The following NEDD4L variants were observed in gnomAD, a reference collection of about 807,000 sequenced individuals.
NEDD4L encodes E3 ubiquitin-protein ligase NEDD4-like.
NEDD4L carries 54 observed loss-of-function variants against 148.9 expected under a neutral mutation model. The ratio of observed to expected loss-of-function variants is 0.36; its 90% CI spans 0.29 to 0.45. NEDD4L has a LOEUF of 0.45. NEDD4L is among the 20% of genes least tolerant of loss of function. The probability of loss-of-function intolerance (pLI) is 1.00; values close to 1 mark genes in which losing one functional copy is unlikely to be tolerated. For missense variants in NEDD4L, 856 were observed against 1,233.8 expected (o/e 0.69, Z 4.59); for synonymous variants, 433 against 440.7 (o/e 0.98, Z 0.22).
intron 30 of NEDD4L, among the ~76,000 whole-genome samples, chr18:58,392,549 A>G (rs1473010648): frequency 6.7e-6 from 1 of 149,656 alleles, no homozygotes; most frequent in Non-Finnish European, 1.5e-5. Flanking sequence ...TTTTTTTTCT[A>G]TTCGTACCAT....
intron 16 of NEDD4L, among the ~76,000 whole-genome samples, chr18:58,343,538 C>T (rs1456641444): frequency 6.6e-6 from 1 of 152,176 alleles, no homozygotes; most frequent in East Asian, 1.9e-4. Flanking sequence ...TTAGTTTTTA[C>T]CGTTCACATC....
At chr18:58,203,697 A>T (rs2041675094) in intron 2 of NEDD4L, among the ~76,000 whole-genome samples, 1 of 146,376 alleles carries the variant, frequency 6.8e-6, no homozygotes, top group South Asian at 2.2e-4. Context: ...ACATTTTGCA[A>T]TTTTTTTTTT....
intron 2 of NEDD4L, among the ~76,000 whole-genome samples, chr18:58,225,717 G>C (rs1599899872): frequency 6.6e-6 from 1 of 152,136 alleles, no homozygotes; most frequent in Non-Finnish European, 1.5e-5. Flanking sequence ...ACATTATTAG[G>C]TCCGGAGCCA....
chr18:58,304,642 C>T (rs2056867327), intron 5 of NEDD4L, among the ~76,000 whole-genome samples: 1 of 152,198 alleles, frequency 6.6e-6, no homozygotes, highest in Non-Finnish European at 1.5e-5. Flanking sequence ...AGAAACCTTC[C>T]TTTGGTTGTT....
At chr18:58,240,803 G>A (rs1568457400) in intron 2 of NEDD4L, among the ~76,000 whole-genome samples, 2 of 135,044 alleles carry the variant, frequency 1.5e-5, no homozygotes, top group East Asian at 2.4e-4. Context: ...GGATGATGGC[G>A]GCAGCTAACA....
chr18:58,394,309 T>G (rs2050204913), intron 30 of NEDD4L, among the ~76,000 whole-genome samples: 1 of 152,234 alleles, frequency 6.6e-6, no homozygotes, highest in African/African-American at 2.4e-5. Context: ...CGGTGAAGCA[T>G]TAAGCAGCAT....
intron 5 of NEDD4L, among the ~76,000 whole-genome samples, chr18:58,294,831 C>G (rs2149169328): frequency 6.6e-6 from 1 of 152,176 alleles, no homozygotes; most frequent in East Asian, 1.9e-4. Flanking sequence ...TGTGTTCTTT[C>G]TGTTTTTAAC....
intron 5 of NEDD4L, among the ~76,000 whole-genome samples, chr18:58,266,992 C>G (rs1038019451): frequency 6.6e-6 from 1 of 152,018 alleles, no homozygotes; most frequent in Non-Finnish European, 1.5e-5. Context: ...AATCTGGTGA[C>G]TGCAGTTATA....
chr18:58,248,867 T>G, intron 3 of NEDD4L, 32 bp from the exon 4 acceptor site: 1 of 1,248,686 alleles, frequency 8.0e-7, no homozygotes, highest in Non-Finnish European at 1.1e-6. Context: ...TTTGAAAGAC[T>G]AAAAGATACT....
At chr18:58,386,722 C>G (rs2049076130) in intron 26 of NEDD4L, among the ~76,000 whole-genome samples, 1 of 152,328 alleles carries the variant, frequency 6.6e-6, no homozygotes, top group South Asian at 2.1e-4. Flanking sequence ...AGGCAGAGCT[C>G]TCGTGGGGTG....
At chr18:58,063,043 T>G (rs1309277251) in intron 1 of NEDD4L, among the ~76,000 whole-genome samples, 4 of 39,128 alleles carry the variant, frequency 1.0e-4, no homozygotes, top group Middle Eastern at 8.5e-3. Flanking sequence ...TTTGTTCTTT[T>G]TTTTTTTTTT....
intron 5 of NEDD4L, among the ~76,000 whole-genome samples, chr18:58,315,065 G>C (rs925210032): frequency 6.6e-6 from 1 of 152,098 alleles, no homozygotes; most frequent in Admixed American, 6.6e-5. Context: ...CTATGGGGCT[G>C]GTCTCATCAT....
At chr18:58,234,101 CT>C (rs140891369) in intron 2 of NEDD4L, among the ~76,000 whole-genome samples, 14,902 of 74,950 alleles carry the variant, frequency 0.2, 875 homozygotes, top group South Asian at 0.21. Context: ...TTCTTTCTTT[CT>C]TTTCTTTTCT....
intron 2 of NEDD4L, among the ~76,000 whole-genome samples, chr18:58,213,016 C>T (rs1043762869): frequency 6.6e-6 from 1 of 152,060 alleles, no homozygotes; most frequent in Non-Finnish European, 1.5e-5. Flanking sequence ...GCAGATTAAA[C>T]AATGAGACGT....
At chr18:58,369,461 G>A (rs902805864) in intron 22 of NEDD4L, among the ~76,000 whole-genome samples, 22 of 46,350 alleles carry the variant, frequency 4.7e-4, no homozygotes, top group Admixed American at 2.4e-3. Flanking sequence ...GGCTCATTCT[G>A]CACATCTGTC....
intron 2 of NEDD4L, chr18:58,195,443 C>A: frequency 7.6e-7 from 1 of 1,319,572 alleles, no homozygotes; most frequent in Non-Finnish European, 1.0e-6. Flanking sequence ...AGGCAGGCAT[C>A]CGCGGCAGCA....
Position 58,296,650 on chromosome 18 carries a change from G to A in NEDD4L, c.298-19332G>A, listed in dbSNP as rs375676737. ...ACAAGGACACTTGTGGGCCGGGCGC[G>A]GTGGCTCACGCCTGTAATCCCAACA... On this transcript the variant is annotated intron_variant, in intron 5 of 30. Transcript: ENST00000400345. Among the ~76,000 whole-genome samples the A allele has an allele frequency of 4.9e-4, 74 of 152,288 alleles. 2 individuals carry two copies. The South Asian group carries it at 0.011, about 23-fold the overall frequency.
At chr18:58,312,535 A>G (rs931937763) in intron 5 of NEDD4L, among the ~76,000 whole-genome samples, 1 of 152,180 alleles carries the variant, frequency 6.6e-6, no homozygotes, top group African/African-American at 2.4e-5. Context: ...AGGATCCCAC[A>G]CACTAGCACA....
rs2049443636 is a variant in NEDD4L, at chr18:58,389,132, G to C, written c.2595G>C (p.Gln865His). 2 of 1,613,910 alleles carry C rather than the reference G, an allele frequency of 1.2e-6. No homozygotes were observed. The highest frequency in any genetic ancestry group is 8.5e-7 in the Non-Finnish European group (1 of 1,179,880). The part of the protein sequence containing the change: ...LGDVDVNDWR[Q>H]HSIYKNGYCP... ...ATGTGGATGTGAATGACTGGAGACA[G>C]CATTCTATTTACAAGAACGGCTACT... The change falls in exon 28 of 31, where the codon CAG becomes CAC. Residue 865 changes from glutamine to histidine, a missense_variant. Gln to His is a conservative substitution (Grantham distance 24). This residue lies in a region of NEDD4L where 286 missense variants were observed against 531.8 expected (regional missense o/e 0.54). Coordinates refer to ENST00000400345, the MANE Select transcript of NEDD4L (RefSeq NM_001144967.3).
Sources: gnomAD v4.1 joint callset for allele counts (sites outside exome capture counted in the v4.1 genomes callset) on GRCh38, gnomAD v4.1.1 for gene constraint, gnomAD v4.1.1 regional missense constraint, MANE v1.5 for transcripts, NCBI Gene and HGNC (gene_info 2026-07-23, HGNC 2026-07-21) for gene names.